IGF1R: variants seen among roughly 807,000 people sequenced by gnomAD.
IGF1R encodes insulin like growth factor 1 receptor.
In IGF1R, 44 loss-of-function variants were observed where a neutral mutation model predicts 144.6. The observed-to-expected ratio is 0.30, with a 90% CI of 0.24 to 0.39. The LOEUF is 0.39. IGF1R is among the 10% of genes least tolerant of loss of function. The pLI is 1.00. For synonymous variants in IGF1R, 795 were observed against 722.8 expected (o/e 1.10, Z -1.60); for missense variants, 1,355 against 1,833.7 (o/e 0.74, Z 4.77).
chr15:98,935,014 C>A lies in IGF1R; in HGVS notation c.3147C>A (p.Asn1049Lys), dbSNP rs139635235. 1 of 1,614,086 alleles carries A rather than the reference C, an allele frequency of 6.2e-7. No homozygotes were observed. Among genetic ancestry groups the A allele is most frequent in the Non-Finnish European group, 8.5e-7 (1 of 1,179,984 alleles). Residue 1049 changes from asparagine (N) to lysine (K), a missense_variant, in exon 16 of 21, where the codon AAC becomes AAA. Physicochemically the swap from Asn to Lys is moderately conservative, Grantham distance 94. Around this residue, in one of 7 missense-constraint regions of IGF1R, gnomAD observed 880 missense variants for 1,202.7 expected, o/e 0.73. Transcript: ENST00000650285. The surrounding 1 kb of genome is among the most constrained non-coding windows in gnomAD (Gnocchi z 4.2). ...ASMRERIEFL[N>K]EASVMKEFNC... The stretch of plus-strand genomic sequence containing the variant: ...TGCGTGAGAGGATTGAGTTTCTCAA[C>A]GAAGCTTCTGTGATGAAGGAGTTCA...
intron 18 of IGF1R, 112 bp downstream of exon 18, chr15:98,939,472 C>A: frequency 1.0e-6 from 1 of 981,316 alleles, no homozygotes; most frequent in East Asian, 2.4e-5. Flanking sequence ...CTTGAGTGCA[C>A]GGACTCCTTC....
Position 98,658,138 on chromosome 15 carries a change from C to T in IGF1R, c.94+8463C>T, listed in dbSNP as rs150468876. On this transcript the variant is annotated intron_variant, in intron 1 of 20. Transcript: ENST00000650285. ...GGATCCACTGTTAGTTCCTGGTACT[C>T]CCCAGCATCTGTGCATTAGCTTGAT... 1.3e-4 allele frequency among the ~76,000 whole-genome samples: 20 copies of T among 152,296 alleles called. No individual in the cohort carries two copies. In the East Asian group the frequency reaches 3.9e-3, roughly 29 times the overall value.
Position 98,934,891 on chromosome 15 carries a change from G to T in IGF1R, c.3024G>T (p.Gly1008=), listed in dbSNP as rs537037101. The T allele has an allele frequency of 9.9e-6, 16 of 1,614,210 alleles. No homozygotes were observed. The African/African-American group carries it at 1.6e-4, about 16-fold the overall frequency. Residue 1008 remains glycine, a synonymous_variant, in exon 16 of 21, where the codon GGG becomes GGT. Transcript: ENST00000650285. ...CCATGAGCCGGGAACTTGGGCAGGG[G>T]TCGTTTGGGATGGTCTATGAAGGAG... ...KITMSRELGQ[G]SFGMVYEGVA...
At chr15:98,888,251 A>G (rs753109034) in intron 2 of IGF1R, among the ~76,000 whole-genome samples, 1 of 152,222 alleles carries the variant, frequency 6.6e-6, no homozygotes, top group African/African-American at 2.4e-5. Flanking sequence ...CACACATTAA[A>G]TAGCTGCTAA....
At chr15:98,733,844 C>A (rs2054552080) in intron 2 of IGF1R, among the ~76,000 whole-genome samples, 1 of 152,160 alleles carries the variant, frequency 6.6e-6, no homozygotes, top group Non-Finnish European at 1.5e-5. Flanking sequence ...GTTTTGTTTG[C>A]CCCTAATCAT....
chr15:98,717,346 A>T (rs374406036), intron 2 of IGF1R, among the ~76,000 whole-genome samples: 9 of 142,042 alleles, frequency 6.3e-5, no homozygotes, highest in South Asian at 4.5e-4. Flanking sequence ...TTTTTTTTTT[A>T]AATTAAACTA....
At chr15:98,840,133 C>T (rs147723860) in intron 2 of IGF1R, among the ~76,000 whole-genome samples, 2,348 of 152,258 alleles carry the variant, frequency 0.015, 21 homozygotes, top group Admixed American at 0.031. Flanking sequence ...CCTTCCCGGA[C>T]ATCTTTGCTA....
intron 2 of IGF1R, among the ~76,000 whole-genome samples, chr15:98,747,936 T>A (rs1039607208): frequency 7.2e-5 from 11 of 152,222 alleles, no homozygotes; most frequent in Admixed American, 2.0e-4. Flanking sequence ...ATATTTCATG[T>A]GTGTGTTGGG....
At chr15:98,942,069 G>A (rs979438407) in intron 18 of IGF1R, among the ~76,000 whole-genome samples, 29 of 152,242 alleles carry the variant, frequency 1.9e-4, no homozygotes, top group Admixed American at 6.5e-4. Flanking sequence ...AATAGCTTCA[G>A]GGGCCTCGTA....
chr15:98,777,183 C>T (rs1006756878), intron 2 of IGF1R, among the ~76,000 whole-genome samples: 19 of 152,244 alleles, frequency 1.2e-4, no homozygotes, highest in African/African-American at 2.6e-4. Context: ...TCCTGAAGCA[C>T]GCTCAATTTG....
At chr15:98,951,095 C>T (rs1376950930) in intron 20 of IGF1R, among the ~76,000 whole-genome samples, 2 of 152,164 alleles carry the variant, frequency 1.3e-5, no homozygotes, top group African/African-American at 4.8e-5. Flanking sequence ...AGGCAGTGGA[C>T]ACTTCGTGTG....
rs2151707976 is a variant in IGF1R at position 98,934,946 on chromosome 15, G to A, written c.3079G>A (p.Glu1027Lys). 2 of 1,614,178 alleles carry A rather than the reference G, an allele frequency of 1.2e-6. No homozygotes were observed. The highest frequency in any genetic ancestry group is 1.7e-6 in the Non-Finnish European group (2 of 1,180,036). Reference protein sequence around the residue: ...VAKGVVKDEPETRVAIKTVNE... With the variant: ...VAKGVVKDEPKTRVAIKTVNE... ...CAAGGGTGTGGTGAAAGATGAACCT[G>A]AAACCAGAGTGGCCATTAAAACAGT... The change falls in exon 16 of 21, where the codon GAA becomes AAA. Residue 1027 changes from glutamate to lysine, a missense_variant. Around this residue, in one of 7 missense-constraint regions of IGF1R, gnomAD observed 880 missense variants for 1,202.7 expected, o/e 0.73. Transcript: ENST00000650285.
chr15:98,956,474 G>A (rs911270322), intron 20 of IGF1R, among the ~76,000 whole-genome samples: 14 of 152,212 alleles, frequency 9.2e-5, no homozygotes, highest in African/African-American at 2.2e-4. Context: ...CAGCAGACTC[G>A]GAGTGTGCAT....
chr15:98,664,805 A>C (rs917913511), intron 1 of IGF1R, among the ~76,000 whole-genome samples: 2 of 151,480 alleles, frequency 1.3e-5, no homozygotes, highest in African/African-American at 4.9e-5. Flanking sequence ...GAGTTAGCTG[A>C]TACTATTGTT....
intron 10 of IGF1R, 24 bp from the exon 11 acceptor site, chr15:98,922,124 G>T (rs1407922091): frequency 6.2e-7 from 1 of 1,613,914 alleles, no homozygotes; most frequent in Admixed American, 1.7e-5. Flanking sequence ...GTACTTAAAA[G>T]CCACATTTCT....
intron 10 of IGF1R, among the ~76,000 whole-genome samples, chr15:98,921,263 T>C (rs1234125776): frequency 6.6e-6 from 1 of 152,190 alleles, no homozygotes; most frequent in African/African-American, 2.4e-5. Context: ...AATTCTGTTT[T>C]AAGGTTTCTA....
At chr15:98,833,524 G>T (rs1425955080) in intron 2 of IGF1R, among the ~76,000 whole-genome samples, 1 of 152,116 alleles carries the variant, frequency 6.6e-6, no homozygotes, top group Non-Finnish European at 1.5e-5. Context: ...CTCCATTTTT[G>T]AATGGCCCAT....
intron 2 of IGF1R, among the ~76,000 whole-genome samples, chr15:98,869,115 G>A (rs1596377206): frequency 1.3e-5 from 2 of 152,072 alleles, no homozygotes. Context: ...CGAGGAAGGG[G>A]CAAGGAAATA....
At chr15:98,681,100 A>G (rs1214879813) in intron 1 of IGF1R, among the ~76,000 whole-genome samples, 1 of 152,130 alleles carries the variant, frequency 6.6e-6, no homozygotes, top group Non-Finnish European at 1.5e-5. Context: ...CACAATGATG[A>G]AATCACCTAA....
Sources: allele counts gnomAD v4.1 joint callset (sites outside exome capture counted in the v4.1 genomes callset), GRCh38; gene constraint gnomAD v4.1.1; regional missense constraint gnomAD v4.1.1; non-coding constraint Gnocchi (gnomAD v3.1); transcripts MANE v1.5; gene names NCBI Gene and HGNC (gene_info 2026-07-23, HGNC 2026-07-21).